Variants in SESN1 observed in about 807,000 individuals in gnomAD.
SESN1 encodes the protein sestrin 1.
SESN1 carries 30 observed loss-of-function variants against 59.3 expected under a neutral mutation model. The observed-to-expected ratio is 0.51, with a 90% CI of 0.38 to 0.69. The LOEUF is 0.69. Ranked by LOEUF, SESN1 falls within the 30% of genes least tolerant of loss-of-function variation. The probability of loss-of-function intolerance (pLI) is 0.00; values close to 1 mark genes in which losing one functional copy is unlikely to be tolerated. For missense variants in SESN1, 566 were observed against 673.0 expected, an observed-to-expected ratio of 0.84 and a Z score of 1.76; for synonymous variants, 197 against 219.9, an observed-to-expected ratio of 0.90 and a Z score of 0.92.
intron 1 of SESN1, among the ~76,000 whole-genome samples, chr6:109,041,269 G>A (rs1780338240): frequency 6.6e-6 from 1 of 151,930 alleles, no homozygotes; most frequent in African/African-American, 2.4e-5. Context: ...TTGTGATTGT[G>A]CCAGTCTGGG....
chr6:109,060,814 C>T (rs550170884), intron 1 of SESN1, among the ~76,000 whole-genome samples: 3 of 152,244 alleles, frequency 2.0e-5, no homozygotes, highest in East Asian at 1.9e-4. Context: ...CTCCACAAGA[C>T]GAATGACCAA....
At chr6:109,075,110 G>A (rs975773643) in intron 1 of SESN1, among the ~76,000 whole-genome samples, 12 of 152,094 alleles carry the variant, frequency 7.9e-5, no homozygotes, top group Middle Eastern at 3.2e-3. Context: ...GGAAGAAGTC[G>A]AGACTGGACT....
At chr6:109,010,170 T>C (rs1197698274) in intron 1 of SESN1, among the ~76,000 whole-genome samples, 1 of 152,196 alleles carries the variant, frequency 6.6e-6, no homozygotes, top group Non-Finnish European at 1.5e-5. Context: ...TCGAAGGCTT[T>C]ACAATTTCTA....
intron 1 of SESN1, among the ~76,000 whole-genome samples, chr6:109,076,541 C>T (rs958283205): frequency 3.3e-5 from 5 of 151,994 alleles, no homozygotes; most frequent in African/African-American, 1.2e-4. Flanking sequence ...GGAGCTTTGA[C>T]ACAAGTTATA....
intron 1 of SESN1, among the ~76,000 whole-genome samples, chr6:109,019,897 A>G (rs1465689478): frequency 6.6e-6 from 1 of 152,204 alleles, no homozygotes; most frequent in Non-Finnish European, 1.5e-5. Context: ...GATCATAAAT[A>G]CGCATTAAAA....
At chr6:109,035,658 A>G (rs937083997) in intron 1 of SESN1, among the ~76,000 whole-genome samples, 3 of 152,112 alleles carry the variant, frequency 2.0e-5, no homozygotes, top group Non-Finnish European at 2.9e-5. Flanking sequence ...TCTGTTGCCC[A>G]GGCTCAGTCA....
chr6:109,091,440 C>G (rs915428858), intron 1 of SESN1, among the ~76,000 whole-genome samples: 1 of 152,162 alleles, frequency 6.6e-6, no homozygotes, highest in Admixed American at 6.5e-5. Flanking sequence ...CTGCCAAACT[C>G]CAGAGTATGT....
At chr6:109,016,275 CT>C (rs1182304340) in intron 1 of SESN1, among the ~76,000 whole-genome samples, 2 of 152,152 alleles carry the variant, frequency 1.3e-5, no homozygotes, top group Non-Finnish European at 2.9e-5. Context: ...TTTATAACAG[CT>C]ATCCTGCCTT....
chr6:109,042,636 C>A (rs1353925278), intron 1 of SESN1, among the ~76,000 whole-genome samples: 1 of 151,726 alleles, frequency 6.6e-6, no homozygotes, highest in Non-Finnish European at 1.5e-5. Context: ...TCAATTCCCA[C>A]CATAACTCCA....
chr6:109,066,327 T>A (rs1388256991), intron 1 of SESN1, among the ~76,000 whole-genome samples: 1 of 151,486 alleles, frequency 6.6e-6, no homozygotes, highest in Non-Finnish European at 1.5e-5. Flanking sequence ...TTTTTTTTTT[T>A]AAAGTCACTA....
intron 6 of SESN1, among the ~76,000 whole-genome samples, chr6:108,994,163 A>AAAAAAAAAAAAG (rs1554262755): frequency 2.0e-5 from 3 of 147,086 alleles, no homozygotes; most frequent in Non-Finnish European, 3.0e-5. Flanking sequence ...AAAAAAAAAA[A>AAAAAAAAAAAAG]GAGAAAAAAG....
chr6:109,036,280 A>G (rs1216200391), intron 1 of SESN1, among the ~76,000 whole-genome samples: 3 of 152,124 alleles, frequency 2.0e-5, no homozygotes, highest in Non-Finnish European at 2.9e-5. Context: ...CTATGCAGTT[A>G]AAATCAGCTT....
At chr6:109,016,907 T>C (rs12205053) in intron 1 of SESN1, among the ~76,000 whole-genome samples, 15,220 of 152,238 alleles carry the variant, frequency 0.1, 925 homozygotes, top group Middle Eastern at 0.19. Context: ...ACTAAAATAG[T>C]ATTTTATTCA....
intron 1 of SESN1, among the ~76,000 whole-genome samples, chr6:109,055,218 G>A (rs139762807): frequency 1.5e-3 from 225 of 152,156 alleles, no homozygotes; most frequent in Middle Eastern, 0.014. Context: ...CCTTATCTCC[G>A]TTCAATTTAT....
rs111773102 is a variant in SESN1 at position 108,985,277 on chromosome 6, C to G, written c.*2267G>C. Among the ~76,000 whole-genome samples, 1 of 152,018 alleles carries G rather than the reference C, an allele frequency of 6.6e-6. No homozygotes were observed. Among genetic ancestry groups the G allele is most frequent in the Non-Finnish European group, 1.5e-5 (1 of 67,992 alleles). On this transcript the variant is annotated 3_prime_UTR_variant, in exon 10 of 10. Transcript: ENST00000436639. ...GCCTAATAAAAAATTTTCCCAAATA[C>G]GGCCAAAACAACTCAAGATTTTAAC...
At chr6:108,990,943 C>T (rs1779364750) in intron 7 of SESN1, 108 bp from the exon 8 acceptor site, 1 of 957,586 alleles carries the variant, frequency 1.0e-6, no homozygotes, top group Non-Finnish European at 1.5e-6. Flanking sequence ...GACAATCCAA[C>T]TGGCTTTTAT....
intron 1 of SESN1, among the ~76,000 whole-genome samples, chr6:109,070,968 C>A (rs1361496643): frequency 6.6e-6 from 1 of 152,092 alleles, no homozygotes; most frequent in African/African-American, 2.4e-5. Flanking sequence ...CTTCAGCTAC[C>A]CAGGTAGGGA....
At chr6:109,064,419 A>G (rs966383368) in intron 1 of SESN1, among the ~76,000 whole-genome samples, 1 of 151,308 alleles carries the variant, frequency 6.6e-6, no homozygotes, top group African/African-American at 2.4e-5. Flanking sequence ...ACTCTGCCCA[A>G]TGATGTACTA....
chr6:109,055,830 C>A (rs59883302), intron 1 of SESN1, among the ~76,000 whole-genome samples: 28,085 of 152,006 alleles, frequency 0.18, 3,421 homozygotes, highest in African/African-American at 0.34. Context: ...GATCTGTACT[C>A]ATTGTCCGTG....
Sources: allele counts gnomAD v4.1 joint callset (sites outside exome capture counted in the v4.1 genomes callset), GRCh38; gene constraint gnomAD v4.1.1; transcripts MANE v1.5; gene names NCBI Gene and HGNC (gene_info 2026-07-23, HGNC 2026-07-21).